Variants in IL1RAPL1 observed in about 807,000 individuals in gnomAD.
IL1RAPL1 encodes interleukin-1 receptor accessory protein-like 1.
In IL1RAPL1, 3 loss-of-function variants were observed where a neutral mutation model predicts 48.4. The observed-to-expected ratio is 0.06, with a 90% CI of 0.03 to 0.16. The LOEUF is 0.16. Among genes scored for constraint, IL1RAPL1 ranks in the 10% least tolerant of loss-of-function variants. The probability of loss-of-function intolerance (pLI) is 1.00; values close to 1 mark genes in which losing one functional copy is unlikely to be tolerated. For missense variants in IL1RAPL1, 349 were observed against 530.6 expected (o/e 0.66, Z 3.36); for synonymous variants, 185 against 187.7 (o/e 0.99, Z 0.12).
chrX:29,192,755 A>T (rs915915770), intron 2 of IL1RAPL1, among the ~76,000 whole-genome samples: 2 of 111,956 alleles, frequency 1.8e-5, no homozygotes, highest in Non-Finnish European at 3.8e-5. Flanking sequence ...ATATGTAGCA[A>T]TCTATTTTCT....
intron 5 of IL1RAPL1, among the ~76,000 whole-genome samples, chrX:29,607,670 T>C (rs1243104944): frequency 5.4e-5 from 6 of 112,101 alleles, no homozygotes; most frequent in African/African-American, 9.7e-5. Flanking sequence ...ACACTCTTTC[T>C]CTTTTTCTAC....
chrX:29,078,761 A>G (rs183134041), intron 2 of IL1RAPL1, among the ~76,000 whole-genome samples: 23 of 111,804 alleles, frequency 2.1e-4, no homozygotes, highest in African/African-American at 7.5e-4. Context: ...GTGGGATTTT[A>G]TGTAATTATG....
At chrX:29,278,257 A>G (rs1312043082) in intron 2 of IL1RAPL1, among the ~76,000 whole-genome samples, 1 of 112,202 alleles carries the variant, frequency 8.9e-6, no homozygotes, top group Non-Finnish European at 1.9e-5. Context: ...TCTTATTTGA[A>G]TATATTGATA....
intron 3 of IL1RAPL1, among the ~76,000 whole-genome samples, chrX:29,354,894 A>G (rs953009139): frequency 3.6e-5 from 4 of 112,381 alleles, no homozygotes; most frequent in African/African-American, 9.7e-5. Flanking sequence ...TATATCTCAT[A>G]TATACATGGG....
chrX:29,915,349 C>T (rs1320649419), intron 6 of IL1RAPL1, among the ~76,000 whole-genome samples: 2 of 111,633 alleles, frequency 1.8e-5, no homozygotes, highest in African/African-American at 3.3e-5. Flanking sequence ...TCTTGGAGAA[C>T]ATGCAGACAT....
At chrX:29,758,419 G>C (rs1928668964) in intron 6 of IL1RAPL1, among the ~76,000 whole-genome samples, 1 of 111,255 alleles carries the variant, frequency 9.0e-6, no homozygotes, top group African/African-American at 3.3e-5. Flanking sequence ...CAGGCCAGAC[G>C]CAGTGGCTCA....
chrX:29,671,167 G>A (rs1043908580), intron 6 of IL1RAPL1, among the ~76,000 whole-genome samples: 6 of 111,683 alleles, frequency 5.4e-5, no homozygotes, highest in African/African-American at 2.0e-4. Flanking sequence ...CATTAATAAT[G>A]AACTTTGATA....
chrX:28,629,849 A>G (rs977147126), intron 1 of IL1RAPL1, among the ~76,000 whole-genome samples: 2 of 112,075 alleles, frequency 1.8e-5, no homozygotes, highest in Non-Finnish European at 1.9e-5. Flanking sequence ...CACGGCAAAG[A>G]GAGGCTTAAA....
intron 3 of IL1RAPL1, among the ~76,000 whole-genome samples, chrX:29,360,316 A>G (rs1041016822): frequency 4.5e-5 from 5 of 111,854 alleles, no homozygotes; most frequent in African/African-American, 1.6e-4. Flanking sequence ...CTTAGCAGCC[A>G]TACACTAAAC....
intron 5 of IL1RAPL1, among the ~76,000 whole-genome samples, chrX:29,555,044 A>G (rs901720634): frequency 1.2e-4 from 14 of 112,778 alleles, no homozygotes; most frequent in African/African-American, 1.9e-4. Context: ...CTCTCTGGCA[A>G]TAAGACTGAG....
intron 6 of IL1RAPL1, among the ~76,000 whole-genome samples, chrX:29,827,076 T>G (rs145260806): frequency 3.6e-5 from 4 of 112,274 alleles, no homozygotes; most frequent in Admixed American, 9.5e-5. Context: ...AGCAACTCAC[T>G]GTGGTTTTGA....
At chrX:29,711,848 T>C (rs1288097100) in intron 6 of IL1RAPL1, among the ~76,000 whole-genome samples, 1 of 111,635 alleles carries the variant, frequency 9.0e-6, no homozygotes, top group Non-Finnish European at 1.9e-5. Context: ...TAATGAGAAA[T>C]ATAAACGATC....
chrX:29,356,348 G>A (rs1933302129), intron 3 of IL1RAPL1, among the ~76,000 whole-genome samples: 2 of 108,846 alleles, frequency 1.8e-5, no homozygotes, highest in African/African-American at 3.3e-5. Context: ...TTATTTGCAC[G>A]TGTTTTTGTA....
chrX:29,292,376 C>G (rs1484817124), intron 3 of IL1RAPL1, among the ~76,000 whole-genome samples: 1 of 111,212 alleles, frequency 9.0e-6, no homozygotes, highest in Non-Finnish European at 1.9e-5. Context: ...TTTACTGTCA[C>G]CTGGTGGAAA....
chrX:29,797,545 G>T (rs1460382835), intron 6 of IL1RAPL1, among the ~76,000 whole-genome samples: 1 of 111,951 alleles, frequency 8.9e-6, no homozygotes. Flanking sequence ...TCAATGACAA[G>T]GATGCCCTGT....
chrX:28,608,281 A>G (rs1386958989), intron 1 of IL1RAPL1, among the ~76,000 whole-genome samples: 9 of 111,402 alleles, frequency 8.1e-5, no homozygotes, highest in Admixed American at 3.8e-4. Context: ...TTTTATATAT[A>G]TATTTGAGTA....
chrX:29,894,543 A>G (rs1009222639), intron 6 of IL1RAPL1, among the ~76,000 whole-genome samples: 34 of 112,309 alleles, frequency 3.0e-4, no homozygotes, highest in Non-Finnish European at 1.9e-4. Flanking sequence ...CAGTAGAACA[A>G]TCATGTTTGT....
chrX:29,154,293 A>G (rs780339903), intron 2 of IL1RAPL1, among the ~76,000 whole-genome samples: 1,323 of 111,530 alleles, frequency 0.012, 19 homozygotes, highest in African/African-American at 0.04. Context: ...TAATCCCAGC[A>G]CTTTGGGAGG....
chrX:29,038,026 G>A (rs759443089), intron 2 of IL1RAPL1, among the ~76,000 whole-genome samples: 1 of 110,666 alleles, frequency 9.0e-6, no homozygotes, highest in African/African-American at 3.3e-5. Context: ...CTCTAGAATG[G>A]CTTCACTCTG....
Sources: allele counts gnomAD v4.1 joint callset (sites outside exome capture counted in the v4.1 genomes callset), GRCh38; gene constraint gnomAD v4.1.1; transcripts MANE v1.5; gene names NCBI Gene and HGNC (gene_info 2026-07-23, HGNC 2026-07-21).